SMARCC1: variants seen among roughly 807,000 people sequenced by gnomAD.
The protein encoded by SMARCC1 is SWI/SNF related BAF chromatin remodeling complex subunit C1, also known as SWI/SNF complex subunit SMARCC1.
In SMARCC1, 43 loss-of-function variants were observed where a neutral mutation model predicts 147.4. The observed-to-expected ratio is 0.29, with a 90% CI of 0.23 to 0.38. The LOEUF is 0.38. Among genes scored for constraint, SMARCC1 ranks in the 10% least tolerant of loss-of-function variants. SMARCC1 has a pLI of 1.00. For synonymous variants in SMARCC1, 495 were observed against 484.4 expected (o/e 1.02, Z -0.29); for missense variants, 1,119 against 1,381.1 (o/e 0.81, Z 3.01).
intron 3 of SMARCC1, among the ~76,000 whole-genome samples, chr3:47,741,585 C>T (rs904486297): frequency 6.6e-6 from 1 of 151,492 alleles, no homozygotes; most frequent in Non-Finnish European, 1.5e-5. Flanking sequence ...CCTCCAACTA[C>T]TCAACGTGAA....
At chr3:47,595,254 G>A (rs995488236) in intron 26 of SMARCC1, among the ~76,000 whole-genome samples, 7 of 152,150 alleles carry the variant, frequency 4.6e-5, no homozygotes, top group African/African-American at 7.2e-5. Context: ...CCAAGCGGGC[G>A]CGATGGCTCA....
rs1044269018 is a variant in SMARCC1, at chr3:47,734,847, T to TC, written c.576+1186dup. Reference sequence around the variant, plus strand: ...ATCTCAGCTCACTGCAACCTCCACTTCCTGGGTTCAAGTGATTCTCCTGAC... The same window carrying TC: ...ATCTCAGCTCACTGCAACCTCCACTTCCCTGGGTTCAAGTGATTCTCCTGAC... On this transcript the variant is annotated intron_variant, in intron 5 of 27. Coordinates refer to ENST00000254480, the MANE Select transcript of SMARCC1 (RefSeq NM_003074.4). 2.2e-4 allele frequency among the ~76,000 whole-genome samples: 34 copies of TC among 152,324 alleles called. 1 individual carries two copies. Among genetic ancestry groups the TC allele is most frequent in the African/African-American group, 8.2e-4 (34 of 41,572 alleles).
chr3:47,760,238 C>CAGGA (rs1298043425), intron 2 of SMARCC1, among the ~76,000 whole-genome samples: 1 of 151,822 alleles, frequency 6.6e-6, no homozygotes, highest in Non-Finnish European at 1.5e-5. Context: ...CGCATGAACC[C>CAGGA]AGGAGGCAGA....
chr3:47,623,058 A>C (rs964336674), intron 24 of SMARCC1, among the ~76,000 whole-genome samples: 1 of 151,220 alleles, frequency 6.6e-6, no homozygotes, highest in African/African-American at 2.4e-5. Flanking sequence ...CTTTCCCAGC[A>C]AACTCCCAGC....
intron 19 of SMARCC1, among the ~76,000 whole-genome samples, chr3:47,662,984 C>G (rs987883319): frequency 6.7e-6 from 1 of 149,728 alleles, no homozygotes; most frequent in African/African-American, 2.5e-5. Flanking sequence ...ACTGAGGCAC[C>G]AGAATCGCTT....
intron 21 of SMARCC1, among the ~76,000 whole-genome samples, chr3:47,652,578 T>C (rs1284859952): frequency 2.0e-5 from 3 of 146,658 alleles, no homozygotes; most frequent in Non-Finnish European, 3.0e-5. Flanking sequence ...CTGGTTCAGA[T>C]ACACACTTAT....
rs2033385004 is a variant in SMARCC1 at position 47,663,908 on chromosome 3, G to A, written c.1900-1316C>T. 10 of 1,470,842 alleles carry A rather than the reference G, an allele frequency of 6.8e-6. No individual in the cohort carries two copies. In the South Asian group the frequency reaches 6.9e-5, roughly 10 times the overall value. 91.1% of individuals were successfully genotyped at this position (1,470,842 alleles called of 1,614,324 possible). On this transcript the variant is annotated intron_variant, in intron 19 of 27. Transcript: ENST00000254480. The stretch of plus-strand genomic sequence containing the variant: ...CACAGCCATCTTGCTGGGTCTAGCT[G>A]TCACCGCTATGAAGTCTCAACCCTG...
At chr3:47,641,040 G>C (rs534582274) in intron 21 of SMARCC1, among the ~76,000 whole-genome samples, 1 of 152,266 alleles carries the variant, frequency 6.6e-6, no homozygotes, top group Admixed American at 6.5e-5. Context: ...ATCTCCAGAA[G>C]GCTGTTCTCA....
chr3:47,642,863 T>C (rs985973057), intron 21 of SMARCC1, among the ~76,000 whole-genome samples: 12 of 152,074 alleles, frequency 7.9e-5, no homozygotes, highest in East Asian at 5.8e-4. Context: ...CTAGGCAACA[T>C]TGTCAGACTC....
chr3:47,711,773 C>T (rs1434353879), intron 8 of SMARCC1, among the ~76,000 whole-genome samples: 1 of 152,188 alleles, frequency 6.6e-6, no homozygotes, highest in Non-Finnish European at 1.5e-5. Context: ...GACTACACGC[C>T]TCCTCTCCCT....
intron 5 of SMARCC1, among the ~76,000 whole-genome samples, chr3:47,729,355 G>C (rs1217624044): frequency 6.6e-6 from 1 of 151,948 alleles, no homozygotes; most frequent in Non-Finnish European, 1.5e-5. Context: ...TCTCTCTCTG[G>C]GTATCCATAT....
At chr3:47,721,606 C>T (rs1324386401) in intron 6 of SMARCC1, among the ~76,000 whole-genome samples, 6 of 152,066 alleles carry the variant, frequency 3.9e-5, no homozygotes, top group Non-Finnish European at 5.9e-5. Context: ...AATTACTTTC[C>T]AGTGCAGATT....
At chr3:47,763,664 T>C (rs961693398) in intron 2 of SMARCC1, among the ~76,000 whole-genome samples, 5 of 151,298 alleles carry the variant, frequency 3.3e-5, no homozygotes, top group Non-Finnish European at 5.9e-5. Context: ...AAAAAAAATA[T>C]ATATATACAG....
chr3:47,641,093 C>T (rs1208809198), intron 21 of SMARCC1, among the ~76,000 whole-genome samples: 1 of 152,182 alleles, frequency 6.6e-6, no homozygotes, highest in African/African-American at 2.4e-5. Context: ...AAGATGCCAA[C>T]AGTATTCTCT....
chr3:47,706,926 A>G (rs2034000806), intron 9 of SMARCC1, among the ~76,000 whole-genome samples: 1 of 152,254 alleles, frequency 6.6e-6, no homozygotes, highest in Non-Finnish European at 1.5e-5. Flanking sequence ...GTGAAAATGT[A>G]GCATTATAGG....
At chr3:47,649,548 G>A (rs887856143) in intron 21 of SMARCC1, among the ~76,000 whole-genome samples, 52 of 152,286 alleles carry the variant, frequency 3.4e-4, no homozygotes, top group African/African-American at 1.2e-3. Context: ...TCCACAGGCT[G>A]TTAAGGAGCT....
chr3:47,768,330 C>T (rs2034865160), intron 2 of SMARCC1, among the ~76,000 whole-genome samples: 1 of 152,138 alleles, frequency 6.6e-6, no homozygotes, highest in Non-Finnish European at 1.5e-5. Context: ...GCAAGTACAT[C>T]GGTTCCCAGT....
intron 14 of SMARCC1, among the ~76,000 whole-genome samples, chr3:47,685,358 CAGTT>C (rs1299907025): frequency 6.6e-6 from 1 of 152,096 alleles, no homozygotes; most frequent in Non-Finnish European, 1.5e-5. Flanking sequence ...TGGAAATTTT[CAGTT>C]AGTATTTTTA....
At chr3:47,654,753 T>C (rs1009436444) in intron 21 of SMARCC1, among the ~76,000 whole-genome samples, 2 of 152,116 alleles carry the variant, frequency 1.3e-5, no homozygotes, top group African/African-American at 4.8e-5. Flanking sequence ...AACAACCCAC[T>C]CTGAGGCGAA....
Sources: allele counts gnomAD v4.1 joint callset (sites outside exome capture counted in the v4.1 genomes callset), GRCh38; gene constraint gnomAD v4.1.1; transcripts MANE v1.5; gene names NCBI Gene and HGNC (gene_info 2026-07-23, HGNC 2026-07-21).